The following PCDHA2 variants were observed in gnomAD, a reference collection of about 807,000 sequenced individuals.
PCDHA2 encodes protocadherin alpha-2.
A neutral mutation model predicts 66.0 loss-of-function variants in PCDHA2; 58 were observed. The ratio of observed to expected loss-of-function variants is 0.88; its 90% confidence interval spans 0.71 to 1.09. PCDHA2 has a LOEUF of 1.09. Among genes scored for constraint, PCDHA2 ranks in the 50% least tolerant of loss-of-function variants. The pLI is 0.00. For missense variants in PCDHA2, 1,267 were observed against 1,242.3 expected, an observed-to-expected ratio of 1.02 and a Z score of -0.30; for synonymous variants, 634 against 554.0, an observed-to-expected ratio of 1.14 and a Z score of -2.03.
chr5:141,007,524 C>T (rs2098334216), intron 3 of PCDHA2, among the ~76,000 whole-genome samples: 1 of 151,984 alleles, frequency 6.6e-6, no homozygotes, highest in African/African-American at 2.4e-5. Context: ...GCTGATATCT[C>T]GCCACTGCAC....
intron 1 of PCDHA2, chr5:140,810,322 A>G (rs1368356791): frequency 2.0e-5 from 3 of 152,202 alleles, no homozygotes; most frequent in South Asian, 2.1e-4. Flanking sequence ...ATGCCCATGT[A>G]CACAGATTTC....
intron 1 of PCDHA2, chr5:140,824,468 T>C (rs1768131151): frequency 4.9e-6 from 2 of 410,264 alleles, no homozygotes; most frequent in Admixed American, 8.5e-5. Flanking sequence ...TATTTTATTT[T>C]ATTGTTATTT....
chr5:140,853,402 A>C, intron 1 of PCDHA2: 1 of 986,360 alleles, frequency 1.0e-6, no homozygotes, highest in Non-Finnish European at 1.2e-6. Context: ...CAAGTTCAAA[A>C]CAGAGAGGTG....
chr5:141,002,879 A>G (rs2098100373), intron 3 of PCDHA2, among the ~76,000 whole-genome samples: 1 of 152,228 alleles, frequency 6.6e-6, no homozygotes, highest in Non-Finnish European at 1.5e-5. Flanking sequence ...TCAAGAACAG[A>G]AAGAGAACAA....
At chr5:140,962,406 T>C (rs1272839882) in intron 1 of PCDHA2, among the ~76,000 whole-genome samples, 1 of 152,218 alleles carries the variant, frequency 6.6e-6, no homozygotes, top group African/African-American at 2.4e-5. Context: ...GCCCCAAACC[T>C]GTCTCTCCCT....
chr5:140,981,791 C>G (rs564396430), intron 2 of PCDHA2, among the ~76,000 whole-genome samples: 2 of 152,000 alleles, frequency 1.3e-5, no homozygotes, highest in Non-Finnish European at 2.9e-5. Flanking sequence ...GTTCTCTTTT[C>G]CCTTGAACAG....
intron 1 of PCDHA2, among the ~76,000 whole-genome samples, chr5:140,963,173 G>C (rs2095742129): frequency 6.6e-6 from 1 of 151,942 alleles, no homozygotes; most frequent in Non-Finnish European, 1.5e-5. Flanking sequence ...CCATCTTACA[G>C]ATATGCTGTA....
intron 1 of PCDHA2, chr5:140,966,708 C>G (rs1033433543): frequency 7.2e-7 from 1 of 1,384,746 alleles, no homozygotes; most frequent in Non-Finnish European, 9.3e-7. Context: ...GCGTGGGGCA[C>G]GGCTGGGGAA....
intron 1 of PCDHA2, among the ~76,000 whole-genome samples, chr5:140,886,827 G>GA (rs782016620): frequency 0.032 from 1,958 of 60,672 alleles, 33 homozygotes; most frequent in African/African-American, 0.049. Context: ...ACTTCGTCTT[G>GA]AAAAAAAAAA....
At chr5:140,836,548 G>A in intron 1 of PCDHA2, 2 of 1,613,750 alleles carry the variant, frequency 1.2e-6, no homozygotes, top group Admixed American at 1.7e-5. Flanking sequence ...ACGGCGTTGC[G>A]GTGCTCAGCG....
chr5:140,979,619 G>A (rs1344525241), intron 2 of PCDHA2, among the ~76,000 whole-genome samples: 1 of 152,164 alleles, frequency 6.6e-6, no homozygotes, highest in African/African-American at 2.4e-5. Context: ...AACGGTATTA[G>A]TCTAAGACTC....
chr5:140,844,872 C>G (rs925437719), intron 1 of PCDHA2, among the ~76,000 whole-genome samples: 1 of 148,974 alleles, frequency 6.7e-6, no homozygotes, highest in Non-Finnish European at 1.5e-5. Flanking sequence ...TATTAAATAC[C>G]CATTAGACTT....
intron 1 of PCDHA2, chr5:140,836,731 C>T (rs2150268895): frequency 1.2e-6 from 2 of 1,609,678 alleles, no homozygotes; most frequent in Middle Eastern, 1.6e-4. Context: ...CCATCCTCTA[C>T]AGACAATGTG....
intron 1 of PCDHA2, chr5:140,866,148 ATAAG>A (rs1375745548): frequency 1.4e-4 from 21 of 152,178 alleles, no homozygotes; most frequent in Admixed American, 1.3e-4. Context: ...TGGAAGTGAT[ATAAG>A]TAAGAATCGT....
At chr5:140,868,946 G>A in intron 1 of PCDHA2, 1 of 1,292,214 alleles carries the variant, frequency 7.7e-7, no homozygotes, top group Middle Eastern at 2.5e-4. Flanking sequence ...TCTGAACAGT[G>A]AGGCACTCCC....
At chr5:140,965,609 G>T (rs568507618) in intron 1 of PCDHA2, among the ~76,000 whole-genome samples, 9 of 151,736 alleles carry the variant, frequency 5.9e-5, no homozygotes, top group Admixed American at 2.0e-4. Context: ...TGAAGACATT[G>T]TCATCCATTA....
In PCDHA2 at chr5:140,795,612, T is replaced by TG. The variant is rs1562154033; in HGVS notation, c.653dup (p.Lys219GlnfsTer3). ...TTAATTTGTTACTGGTGGCTACTGA[T>TG]GGGGGCAAACCTGAGCTCACGGGCA... On this transcript the variant is annotated frameshift_variant, in exon 1 of 4. Transcript: ENST00000526136. LOFTEE classifies it high-confidence loss of function. The TG allele has an allele frequency of 6.2e-7, 1 of 1,614,180 alleles. No homozygotes were observed.
intron 1 of PCDHA2, chr5:140,882,543 G>A: frequency 6.2e-7 from 1 of 1,614,236 alleles, no homozygotes; most frequent in Non-Finnish European, 8.5e-7. Context: ...CGGATCGACC[G>A]CGAGGAGCTG....
intron 1 of PCDHA2, chr5:140,807,121 C>A (rs1397295588): frequency 3.9e-6 from 6 of 1,533,416 alleles, no homozygotes; most frequent in Admixed American, 3.7e-5. Flanking sequence ...CTTGACTGAC[C>A]GATTAAAAGA....
Sources: gnomAD v4.1 joint callset for allele counts (sites outside exome capture counted in the v4.1 genomes callset) on GRCh38, gnomAD v4.1.1 for gene constraint, MANE v1.5 for transcripts, NCBI Gene and HGNC (gene_info 2026-07-23, HGNC 2026-07-21) for gene names.